OPCML: variants seen among roughly 807,000 people sequenced by gnomAD.
OPCML encodes the protein opioid-binding protein/cell adhesion molecule.
A neutral mutation model predicts 37.8 loss-of-function variants in OPCML; 13 were observed. That is an observed-to-expected ratio of 0.34 (90% CI 0.22 to 0.55). The LOEUF is 0.55. Among genes scored for constraint, OPCML ranks in the 20% least tolerant of loss-of-function variants. The probability of loss-of-function intolerance (pLI) is 0.91; values close to 1 mark genes in which losing one functional copy is unlikely to be tolerated. For missense variants in OPCML, 341 were observed against 435.6 expected, an observed-to-expected ratio of 0.78 and a Z score of 1.93; for synonymous variants, 176 against 168.8, an observed-to-expected ratio of 1.04 and a Z score of -0.33.
At chr11:133,152,120 C>A (rs138421578) in intron 1 of OPCML, among the ~76,000 whole-genome samples, 1 of 152,248 alleles carries the variant, frequency 6.6e-6, no homozygotes, top group Non-Finnish European at 1.5e-5. Context: ...GTGTCAGAAA[C>A]TGTCTGATCT....
chr11:133,527,415 G>T (rs1160749595), intron 1 of OPCML, among the ~76,000 whole-genome samples: 2 of 152,208 alleles, frequency 1.3e-5, no homozygotes, highest in East Asian at 3.9e-4. Context: ...TTTTGAGGCA[G>T]GAGAATATCT....
chr11:132,729,061 A>T (rs1426744646), intron 2 of OPCML, among the ~76,000 whole-genome samples: 1 of 152,220 alleles, frequency 6.6e-6, no homozygotes, highest in Non-Finnish European at 1.5e-5. Context: ...AATGTGAAAG[A>T]AAGGCTGGTT....
chr11:132,795,989 T>C (rs1040858116), intron 2 of OPCML, among the ~76,000 whole-genome samples: 1 of 152,192 alleles, frequency 6.6e-6, no homozygotes, highest in African/African-American at 2.4e-5. Context: ...TACAGACTTA[T>C]TTTCTTGTCA....
rs866612415 is a variant in OPCML, at chr11:132,988,796, T to C, written c.62-45786A>G. Among the ~76,000 whole-genome samples the C allele has an allele frequency of 2.6e-5, 4 of 152,178 alleles. No homozygotes were observed. The South Asian group carries it at 8.3e-4, about 31-fold the overall frequency. ...CTCTGGACTAATTATCTCAATTAGATTGAAAATGGAGCTATTCATATAACT... is the reference window on the plus strand; with the variant it reads ...CTCTGGACTAATTATCTCAATTAGACTGAAAATGGAGCTATTCATATAACT... On this transcript the variant is annotated intron_variant, in intron 1 of 7. Transcript: ENST00000524381.
intron 4 of OPCML, among the ~76,000 whole-genome samples, chr11:132,505,346 G>A (rs767760273): frequency 6.6e-6 from 1 of 152,162 alleles, no homozygotes; most frequent in Non-Finnish European, 1.5e-5. Flanking sequence ...CTCAATTCAT[G>A]TGATCGAGCC....
At chr11:132,712,732 C>T (rs1269849695) in intron 2 of OPCML, among the ~76,000 whole-genome samples, 2 of 152,218 alleles carry the variant, frequency 1.3e-5, no homozygotes, top group Non-Finnish European at 2.9e-5. Context: ...CACCAAAAAG[C>T]AATTTCAGCT....
chr11:132,516,055 T>C (rs2096278937), intron 4 of OPCML, among the ~76,000 whole-genome samples: 1 of 151,892 alleles, frequency 6.6e-6, no homozygotes, highest in Admixed American at 6.5e-5. Context: ...GCACAAGTCA[T>C]AGGTCTCCAG....
rs2095939316 is a variant in OPCML at position 132,416,554 on chromosome 11, G to A, written c.*3639C>T. On this transcript the variant is annotated 3_prime_UTR_variant, in exon 8 of 8. Coordinates refer to ENST00000524381, the MANE Select transcript of OPCML (RefSeq NM_001012393.5). Reference sequence around the variant, plus strand: ...ATGCAGAAAAAGATTCTGAAACCCAGCCTCAGTTTTGAAGTTGCTAGAGTC... The same window carrying A: ...ATGCAGAAAAAGATTCTGAAACCCAACCTCAGTTTTGAAGTTGCTAGAGTC... 1 of 152,162 alleles carries A rather than the reference G, an allele frequency of 6.6e-6. No individual in the cohort carries two copies. The highest frequency in any genetic ancestry group is 2.1e-4 in the South Asian group (1 of 4,830). 9.4% of individuals were successfully genotyped at this position (152,162 alleles called of 1,614,324 possible). A position where few individuals can be genotyped will look rare whatever the true frequency, so the allele number is the denominator to read the frequency against.
intron 1 of OPCML, among the ~76,000 whole-genome samples, chr11:133,440,800 G>A (rs57024611): frequency 0.011 from 1,372 of 121,424 alleles, 27 homozygotes; most frequent in East Asian, 0.054. Flanking sequence ...GTGTGTGTGT[G>A]TGAGTGTGTA....
chr11:132,593,288 C>T (rs556118139), intron 3 of OPCML, among the ~76,000 whole-genome samples: 6 of 151,992 alleles, frequency 3.9e-5, no homozygotes, highest in East Asian at 3.9e-4. Flanking sequence ...AAGGCAGCTG[C>T]GGAGGAGAGC....
intron 1 of OPCML, chr11:133,006,899 G>T (rs10128727): frequency 0.13 from 132,562 of 985,288 alleles, 9,321 homozygotes; most frequent in Admixed American, 0.29. Flanking sequence ...CTGTCATGGG[G>T]CCACCTAGGC....
At chr11:132,541,436 A>T (rs1486401947) in intron 3 of OPCML, among the ~76,000 whole-genome samples, 1 of 152,154 alleles carries the variant, frequency 6.6e-6, no homozygotes, top group Non-Finnish European at 1.5e-5. Flanking sequence ...ATAAATGATA[A>T]ATGAATATAA....
intron 1 of OPCML, among the ~76,000 whole-genome samples, chr11:132,946,116 A>G (rs1159238773): frequency 6.6e-6 from 1 of 152,178 alleles, no homozygotes; most frequent in Non-Finnish European, 1.5e-5. Context: ...AAACTAAGAC[A>G]CAAATACACA....
At chr11:132,994,910 G>A (rs113246224) in intron 1 of OPCML, among the ~76,000 whole-genome samples, 39 of 152,316 alleles carry the variant, frequency 2.6e-4, no homozygotes, top group Admixed American at 7.2e-4. Flanking sequence ...GCACCCCTAG[G>A]AGTTGAATAC....
At chr11:132,431,334 T>C (rs1439954330) in intron 7 of OPCML, among the ~76,000 whole-genome samples, 2 of 152,238 alleles carry the variant, frequency 1.3e-5, no homozygotes, top group African/African-American at 4.8e-5. Flanking sequence ...ACAGACAGCA[T>C]CACAGTTTGT....
chr11:132,578,273 T>C (rs4351825), intron 3 of OPCML, among the ~76,000 whole-genome samples: 71,814 of 151,942 alleles, frequency 0.47, 18,428 homozygotes, highest in Admixed American at 0.63. Flanking sequence ...GTTTGCTGAG[T>C]TGAAAGTACA....
At chr11:132,803,825 C>A (rs1565875493) in intron 2 of OPCML, among the ~76,000 whole-genome samples, 1 of 152,210 alleles carries the variant, frequency 6.6e-6, no homozygotes, top group African/African-American at 2.4e-5. Flanking sequence ...GGGATAGTAC[C>A]TAAATTAGAG....
intron 3 of OPCML, among the ~76,000 whole-genome samples, chr11:132,616,116 A>G (rs1938998391): frequency 6.6e-6 from 1 of 152,148 alleles, no homozygotes; most frequent in Non-Finnish European, 1.5e-5. Flanking sequence ...CTCAATAAAA[A>G]CTTTTTTTGT....
At chr11:132,601,208 C>T (rs1450694291) in intron 3 of OPCML, among the ~76,000 whole-genome samples, 1 of 152,086 alleles carries the variant, frequency 6.6e-6, no homozygotes, top group Admixed American at 6.5e-5. Flanking sequence ...GAAATGGTTT[C>T]TCCTGCTCAG....
Sources: gnomAD v4.1 joint callset for allele counts (sites outside exome capture counted in the v4.1 genomes callset) on GRCh38, gnomAD v4.1.1 for gene constraint, MANE v1.5 for transcripts, NCBI Gene and HGNC (gene_info 2026-07-23, HGNC 2026-07-21) for gene names.